The following POU2F3 variants were observed in gnomAD, a reference collection of about 807,000 sequenced individuals.
POU2F3 encodes the protein POU domain, class 2, transcription factor 3.
A neutral mutation model predicts 59.2 loss-of-function variants in POU2F3; 23 were observed. The observed-to-expected ratio is 0.39, with a 90% CI of 0.28 to 0.55. The LOEUF (loss-of-function observed/expected upper bound fraction) is 0.55, where lower values mean the gene tolerates loss of function less well. Among genes scored for constraint, POU2F3 ranks in the 20% least tolerant of loss-of-function variants. POU2F3 has a pLI of 0.66. For missense variants in POU2F3, 473 were observed against 544.5 expected (o/e 0.87, Z 1.31); for synonymous variants, 190 against 214.6 (o/e 0.89, Z 1.00).
chr11:120,237,963 G>A (rs1293598496), upstream of POU2F3, among the ~76,000 whole-genome samples: 1 of 152,190 alleles, frequency 6.6e-6, no homozygotes, highest in Non-Finnish European at 1.5e-5. Flanking sequence ...AAAAAGTGCA[G>A]GGGACGGTGG....
intron 3 of POU2F3, among the ~76,000 whole-genome samples, chr11:120,275,966 G>A (rs954638555): frequency 1.3e-5 from 2 of 152,166 alleles, no homozygotes; most frequent in Admixed American, 6.5e-5. Flanking sequence ...TAATTGGCTC[G>A]TTGGGGCATC....
intron 3 of POU2F3, among the ~76,000 whole-genome samples, chr11:120,279,724 C>T (rs931052134): frequency 5.9e-5 from 9 of 152,242 alleles, no homozygotes; most frequent in African/African-American, 1.9e-4. Flanking sequence ...AGCCCCAGTA[C>T]TGGGTGGACC....
chr11:120,277,801 C>A (rs1204697986), intron 3 of POU2F3, among the ~76,000 whole-genome samples: 1 of 151,956 alleles, frequency 6.6e-6, no homozygotes, highest in East Asian at 1.9e-4. Flanking sequence ...AACAGATATA[C>A]AAATAAAAAT....
chr11:120,302,341 A>T lies in POU2F3; in HGVS notation c.417A>T (p.Pro139=). 6.2e-7 allele frequency: 1 copy of T among 1,612,220 alleles called. No individual in the cohort carries two copies. Among genetic ancestry groups the T allele is most frequent in the Non-Finnish European group, 8.5e-7 (1 of 1,178,362 alleles). ...AGCAACAAAGCGGTCTCCTCCTCCCACAGACTGGGCCGGGACTGGCATCCC... is the reference window on the plus strand; with the variant it reads ...AGCAACAAAGCGGTCTCCTCCTCCCTCAGACTGGGCCGGGACTGGCATCCC... ...FPQQQSGLLL[P]QTGPGLASQA... The change falls in exon 6 of 13, where the codon CCA becomes CCT. Residue 139 remains proline (P), a synonymous_variant. Transcript: ENST00000543440.
At chr11:120,280,218 T>C (rs59801719) in intron 3 of POU2F3, among the ~76,000 whole-genome samples, 7,888 of 152,228 alleles carry the variant, frequency 0.052, 644 homozygotes, top group African/African-American at 0.17. Context: ...TAATACTATT[T>C]ATTGAACCTT....
At chr11:120,236,938 C>G (rs866258952), upstream of POU2F3, among the ~76,000 whole-genome samples, 1 of 152,136 alleles carries the variant, frequency 6.6e-6, no homozygotes, top group Non-Finnish European at 1.5e-5. Flanking sequence ...TGGGGTAAGT[C>G]CCCCTCCTTG....
At chr11:120,295,063 A>G (rs1941152525) in intron 3 of POU2F3, among the ~76,000 whole-genome samples, 1 of 152,254 alleles carries the variant, frequency 6.6e-6, no homozygotes, top group Non-Finnish European at 1.5e-5. Flanking sequence ...CTTTTCTGCT[A>G]TCACGCACTT....
intron 2 of POU2F3, among the ~76,000 whole-genome samples, chr11:120,248,047 T>A (rs1384751515): frequency 6.6e-6 from 1 of 152,168 alleles, no homozygotes; most frequent in Non-Finnish European, 1.5e-5. Flanking sequence ...GGGAGGGAGT[T>A]CAAATCCTGG....
chr11:120,257,379 C>T (rs115767079), intron 2 of POU2F3, among the ~76,000 whole-genome samples: 6,867 of 152,050 alleles, frequency 0.045, 188 homozygotes, highest in African/African-American at 0.074. Flanking sequence ...GCTTCCCCTC[C>T]GCCTACCACC....
chr11:120,306,101 A>C (rs548989063), intron 8 of POU2F3, among the ~76,000 whole-genome samples: 17 of 152,202 alleles, frequency 1.1e-4, no homozygotes, highest in Non-Finnish European at 2.1e-4. Context: ...GGATCTGCAG[A>C]GCAGATACAC....
At position 120,319,443 on chromosome 11, in the gene POU2F3, TC is replaced by T. The variant is rs368955441; in HGVS notation, c.*1052del. ...ATGGGCTGGGATTTTTTTTTCTTTT[TC>T]TTTTTTTTTTTTTTTTTTGAGACAG... On this transcript the variant is annotated 3_prime_UTR_variant, in exon 13 of 13. Transcript: ENST00000543440. The T allele has an allele frequency of 2.0e-5, 3 of 146,840 alleles. No individual in the cohort carries two copies. Among genetic ancestry groups the T allele is most frequent in the Non-Finnish European group, 3.0e-5 (2 of 67,222 alleles). The allele number at this position is 146,840 out of a possible 1,614,324, so 9.1% of individuals were successfully genotyped here. A position where few individuals can be genotyped will look rare whatever the true frequency, so the allele number is the denominator to read the frequency against.
chr11:120,260,174 T>G (rs1478994406), intron 2 of POU2F3, among the ~76,000 whole-genome samples: 2 of 152,240 alleles, frequency 1.3e-5, no homozygotes, highest in Non-Finnish European at 2.9e-5. Flanking sequence ...AAAATCCTGC[T>G]TGAACAGTTC....
intron 7 of POU2F3, 67 bp downstream of exon 7, chr11:120,305,279 C>T: frequency 6.4e-7 from 1 of 1,558,022 alleles, no homozygotes. Context: ...TTCCCAAGTG[C>T]AGGTTTCAAG....
At chr11:120,257,985 C>A (rs747640414) in intron 2 of POU2F3, among the ~76,000 whole-genome samples, 3 of 152,126 alleles carry the variant, frequency 2.0e-5, no homozygotes, top group Admixed American at 6.5e-5. Flanking sequence ...TTTCCTTATG[C>A]GTAAGATGTA....
At chr11:120,280,927 G>A (rs955844640) in intron 3 of POU2F3, among the ~76,000 whole-genome samples, 8 of 152,248 alleles carry the variant, frequency 5.3e-5, no homozygotes, top group East Asian at 1.9e-4. Flanking sequence ...GGGCCTGTGC[G>A]TGAGAAGGGT....
At chr11:120,282,186 A>G (rs1475308572) in intron 3 of POU2F3, among the ~76,000 whole-genome samples, 1 of 152,204 alleles carries the variant, frequency 6.6e-6, no homozygotes. Context: ...TCACTCAGTC[A>G]TTACTAAAGC....
In POU2F3 at chr11:120,250,907, G is replaced by A. The variant is rs1364134366; in HGVS notation, c.97+4390G>A. ...CAGGAGAATTGCTTGAAGCCAGGAG[G>A]CAGAGGTTGCAGTGAGCCGAGATCG... is the stretch of plus-strand genomic sequence containing the variant. On this transcript the variant is annotated intron_variant, in intron 2 of 12. Coordinates refer to ENST00000543440, the MANE Select transcript of POU2F3 (RefSeq NM_014352.4). 2.6e-5 allele frequency among the ~76,000 whole-genome samples: 4 copies of A among 152,068 alleles called. No individual in the cohort carries two copies. The East Asian group carries it at 7.7e-4, about 29-fold the overall frequency.
intron 11 of POU2F3, chr11:120,317,018 G>A: frequency 1.7e-6 from 1 of 602,076 alleles, no homozygotes; most frequent in Non-Finnish European, 2.9e-6. Flanking sequence ...CAGGGCCTGG[G>A]CTGCAGAGAG....
At chr11:120,262,962 AATTTATTT>A (rs34700321) in intron 2 of POU2F3, among the ~76,000 whole-genome samples, 80 of 122,730 alleles carry the variant, frequency 6.5e-4, no homozygotes, top group Non-Finnish European at 9.4e-4. Context: ...TTATTTATTT[AATTTATTT>A]ATTTATTTAT....
Sources: gnomAD v4.1 joint callset for allele counts (sites outside exome capture counted in the v4.1 genomes callset) on GRCh38, gnomAD v4.1.1 for gene constraint, MANE v1.5 for transcripts, NCBI Gene and HGNC (gene_info 2026-07-23, HGNC 2026-07-21) for gene names.